Variants in ZDBF2 observed in about 807,000 individuals in gnomAD.
ZDBF2 encodes zinc finger DBF-type containing 2.
ZDBF2 carries 6 observed loss-of-function variants against 9.4 expected under a neutral mutation model. The observed-to-expected ratio is 0.64, with a 90% CI of 0.35 to 1.27. The LOEUF (loss-of-function observed/expected upper bound fraction) is 1.27, where lower values mean the gene tolerates loss of function less well. Among genes scored for constraint, ZDBF2 ranks in the 50% most tolerant of loss-of-function variants. The probability of loss-of-function intolerance (pLI) is 0.03; values close to 1 mark genes in which losing one functional copy is unlikely to be tolerated. For synonymous variants in ZDBF2, 905 were observed against 946.3 expected, an observed-to-expected ratio of 0.96 and a Z score of 0.80; for missense variants, 2,697 against 2,766.8, an observed-to-expected ratio of 0.97 and a Z score of 0.57.
intron 3 of ZDBF2, among the ~76,000 whole-genome samples, chr2:206,284,895 AT>A (rs1691522234): frequency 6.6e-6 from 1 of 151,948 alleles, no homozygotes; most frequent in Admixed American, 6.6e-5. Flanking sequence ...CACCTGGCTG[AT>A]TTTTGTATTT....
Position 206,313,249 on chromosome 2 carries a change from C to A in ZDBF2, c.*1656C>A, listed in dbSNP as rs1318284660. On this transcript the variant is annotated 3_prime_UTR_variant, in exon 5 of 5. Coordinates refer to ENST00000374423, the MANE Select transcript of ZDBF2 (RefSeq NM_020923.3). ...TTTTATTTCAGGGGCCATTATTTAA[C>A]CTGTGTGTATGCTATGATGGAGTTC... 1 of 152,096 alleles carries A rather than the reference C, an allele frequency of 6.6e-6. No individual in the cohort carries two copies. Among genetic ancestry groups the A allele is most frequent in the African/African-American group, 2.4e-5 (1 of 41,418 alleles). 9.4% of individuals were successfully genotyped at this position (152,096 alleles called of 1,614,324 possible). A position where few individuals can be genotyped will look rare whatever the true frequency, so the allele number is the denominator to read the frequency against.
intron 4 of ZDBF2, among the ~76,000 whole-genome samples, chr2:206,297,652 G>A (rs1692264016): frequency 6.6e-6 from 1 of 152,020 alleles, no homozygotes; most frequent in South Asian, 2.1e-4. Context: ...GGATTAAGCA[G>A]GGGGAAAAGG....
At chr2:206,280,006 T>C (rs951299280) in intron 2 of ZDBF2, among the ~76,000 whole-genome samples, 7 of 152,218 alleles carry the variant, frequency 4.6e-5, no homozygotes, top group African/African-American at 1.7e-4. Context: ...GTTTTTGCCA[T>C]GTTGGCCAGG....
chr2:206,306,235 C>T lies in ZDBF2; in HGVS notation c.1707C>T (p.Ser569=). The change falls in exon 5 of 5, where the codon AGC becomes AGT. Residue 569 remains serine, a synonymous_variant. Coordinates refer to ENST00000374423, the MANE Select transcript of ZDBF2 (RefSeq NM_020923.3). ...ETKLRKKAHT[S]LVDNYGSSCS... ...AACTTCGGAAGAAGGCTCATACCAG[C>T]TTGGTTGATAACTATGGATCGAGTT... is the stretch of plus-strand genomic sequence containing the variant. 2 of 1,613,468 alleles carry T rather than the reference C, an allele frequency of 1.2e-6. No individual in the cohort carries two copies. Among genetic ancestry groups the T allele is most frequent in the South Asian group, 1.1e-5 (1 of 91,062 alleles).
At position 206,310,547 on chromosome 2, in the gene ZDBF2, G is replaced by A; in HGVS notation, c.6019G>A (p.Ala2007Thr). ...AGTTTTGAAGCCTATGCAACCCAAAGCCTTAGTCTGTGTTCTTTCTTCTTT... is the reference window on the plus strand; with the variant it reads ...AGTTTTGAAGCCTATGCAACCCAAAACCTTAGTCTGTGTTCTTTCTTCTTT... ...TKVLKPMQPK[A>T]LVCVLSSLNI... is the part of the protein sequence containing the mutation. Residue 2007 changes from alanine to threonine, a missense_variant, in exon 5 of 5, where the codon GCC becomes ACC. Physicochemically the swap from Ala to Thr is moderately conservative, Grantham distance 58. This residue lies in a region of ZDBF2 where 1,783 missense variants were observed against 1,776.5 expected (regional missense o/e 1.00). Transcript: ENST00000374423. 1 of 1,613,676 alleles carries A rather than the reference G, an allele frequency of 6.2e-7. No individual in the cohort carries two copies. The highest frequency in any genetic ancestry group is 8.5e-7 in the Non-Finnish European group (1 of 1,179,780).
intron 3 of ZDBF2, among the ~76,000 whole-genome samples, chr2:206,286,324 G>A (rs1369425870): frequency 6.6e-6 from 1 of 152,062 alleles, no homozygotes; most frequent in Non-Finnish European, 1.5e-5. Flanking sequence ...CAGTCTAATA[G>A]TATTTGCTTT....
chr2:206,304,664 T>G, intron 4 of ZDBF2, 53 bp from the exon 5 acceptor site: 1 of 1,530,024 alleles, frequency 6.5e-7, no homozygotes, highest in South Asian at 1.3e-5. Flanking sequence ...TCTATTTTAA[T>G]ATTTTAAACA....
At chr2:206,284,581 A>G (rs1211025442) in intron 3 of ZDBF2, among the ~76,000 whole-genome samples, 2 of 152,218 alleles carry the variant, frequency 1.3e-5, no homozygotes, top group Non-Finnish European at 2.9e-5. Context: ...GTATTCATTA[A>G]TTATCCTCTC....
intron 4 of ZDBF2, 46 bp downstream of exon 4, chr2:206,297,419 C>A: frequency 1.3e-6 from 2 of 1,532,106 alleles, no homozygotes; most frequent in Non-Finnish European, 1.8e-6. Context: ...TTATATGTTA[C>A]AGTAGGTGTT....
intron 3 of ZDBF2, among the ~76,000 whole-genome samples, chr2:206,294,817 G>A (rs1047518749): frequency 6.6e-5 from 10 of 152,156 alleles, no homozygotes; most frequent in Admixed American, 6.5e-4. Flanking sequence ...TGCTGCAAAT[G>A]ACATGATCTC....
chr2:206,304,864 A>G lies in ZDBF2; in HGVS notation c.336A>G (p.Glu112=). 1 of 1,613,762 alleles carries G rather than the reference A, an allele frequency of 6.2e-7. No homozygotes were observed. The change falls in exon 5 of 5, where the codon GAA becomes GAG. Residue 112 remains glutamate (E), a synonymous_variant. Coordinates refer to ENST00000374423, the MANE Select transcript of ZDBF2 (RefSeq NM_020923.3). ...AAGAGAGACCATCCGAGGTTTCAGA[A>G]CCTATTGAAGAGTTACATTCCAGAC... ...ATEERPSEVS[E]PIEELHSRPH...
chr2:206,311,434 A>C lies in ZDBF2; in HGVS notation c.6906A>C (p.Ala2302=). Residue 2302 remains alanine (A), a synonymous_variant, in exon 5 of 5, where the codon GCA becomes GCC. Transcript: ENST00000374423. ...KRPVRASCRV[A]RRRKKTDESY... ...CTGTGCGGGCTTCTTGCCGCGTTGC[A>C]AGAAGGAGGAAGAAGACTGATGAAA... The C allele has an allele frequency of 6.2e-7, 1 of 1,611,380 alleles. No homozygotes were observed. Among genetic ancestry groups the C allele is most frequent in the South Asian group, 1.1e-5 (1 of 90,508 alleles).
intron 3 of ZDBF2, among the ~76,000 whole-genome samples, chr2:206,290,886 A>G (rs533754756): frequency 6.6e-6 from 1 of 152,234 alleles, no homozygotes; most frequent in South Asian, 2.1e-4. Context: ...GATGAGTGTT[A>G]AAGTAGTGAG....
At chr2:206,277,194 G>A (rs1022134063) in intron 1 of ZDBF2, among the ~76,000 whole-genome samples, 4 of 151,476 alleles carry the variant, frequency 2.6e-5, no homozygotes, top group Non-Finnish European at 2.9e-5. Flanking sequence ...ACACTGCCAC[G>A]CCACACTCAG....
chr2:206,282,619 G>A (rs570278743), intron 3 of ZDBF2, among the ~76,000 whole-genome samples: 27 of 152,160 alleles, frequency 1.8e-4, no homozygotes, highest in Non-Finnish European at 3.1e-4. Flanking sequence ...CAAAGTTTGA[G>A]CATAGGAGTT....
In ZDBF2 at chr2:206,309,099, A is replaced by G; in HGVS notation, c.4571A>G (p.Lys1524Arg). 6.2e-7 allele frequency: 1 copy of G among 1,613,902 alleles called. No individual in the cohort carries two copies. The highest frequency in any genetic ancestry group is 8.5e-7 in the Non-Finnish European group (1 of 1,179,868). The change falls in exon 5 of 5, where the codon AAG (lysine) becomes AGG (arginine). Residue 1524 changes from lysine (K) to arginine (R), a missense_variant. Transcript: ENST00000374423. ...TCAGTCAAAGAAACCCACCTTCCAA[A>G]GGTGGTACTTGTGGATCTGGTGCCC... The part of the protein sequence containing the change: ...PGSVKETHLP[K>R]VVLVDLVPGD...
rs1423154776 is a variant in ZDBF2 at position 206,306,404 on chromosome 2, C to T, written c.1876C>T (p.Leu626Phe). 6.2e-7 allele frequency: 1 copy of T among 1,613,674 alleles called. No individual in the cohort carries two copies. The highest frequency in any genetic ancestry group is 2.2e-5 in the East Asian group (1 of 44,890). The change falls in exon 5 of 5, where the codon CTT becomes TTT. Residue 626 changes from leucine to phenylalanine, a missense_variant. Around this residue, in one of 3 missense-constraint regions of ZDBF2, gnomAD observed 910 missense variants for 973.6 expected, o/e 0.93. Transcript: ENST00000374423. ...TAAACCCAGTAGTGCTAAAGCACATCTTGATTGTGATGTCTCACTTGGGAC... is the reference window on the plus strand; with the variant it reads ...TAAACCCAGTAGTGCTAAAGCACATTTTGATTGTGATGTCTCACTTGGGAC... Reference protein sequence around the residue: ...KRKPSSAKAHLDCDVSLGTVA... With the variant: ...KRKPSSAKAHFDCDVSLGTVA...
At chr2:206,301,636 T>C (rs1027507299) in intron 4 of ZDBF2, among the ~76,000 whole-genome samples, 4 of 152,170 alleles carry the variant, frequency 2.6e-5, no homozygotes, top group Non-Finnish European at 5.9e-5. Flanking sequence ...TTATTATGTA[T>C]GTATAAACTT....
intron 3 of ZDBF2, among the ~76,000 whole-genome samples, chr2:206,295,982 A>G (rs138049456): frequency 9.2e-5 from 14 of 152,056 alleles, no homozygotes; most frequent in South Asian, 4.2e-4. Flanking sequence ...TTTTTTGTCA[A>G]TCTTTGACCT....
Sources: allele counts gnomAD v4.1 joint callset (sites outside exome capture counted in the v4.1 genomes callset), GRCh38; gene constraint gnomAD v4.1.1; regional missense constraint gnomAD v4.1.1; transcripts MANE v1.5; gene names NCBI Gene and HGNC (gene_info 2026-07-23, HGNC 2026-07-21).